Variants in TTBK1 observed in about 807,000 individuals in gnomAD.
TTBK1 encodes tau tubulin kinase 1.
A neutral mutation model predicts 108.5 loss-of-function variants in TTBK1; 34 were observed. The observed-to-expected ratio is 0.31, with a 90% CI of 0.24 to 0.42. The LOEUF is 0.42. TTBK1 is among the 10% of genes least tolerant of loss of function. The pLI is 1.00. For missense variants in TTBK1, 1,539 were observed against 1,826.0 expected, an observed-to-expected ratio of 0.84 and a Z score of 2.86; for synonymous variants, 809 against 795.1, an observed-to-expected ratio of 1.02 and a Z score of -0.29.
chr6:43,277,637 G>C (rs1206345006), intron 13 of TTBK1, among the ~76,000 whole-genome samples: 1 of 152,202 alleles, frequency 6.6e-6, no homozygotes, highest in Non-Finnish European at 1.5e-5. Flanking sequence ...CCACGTTCCC[G>C]GGTCATCTTA....
intron 3 of TTBK1, 67 bp downstream of exon 3, chr6:43,252,953 A>C: frequency 6.3e-7 from 1 of 1,575,824 alleles, no homozygotes; most frequent in African/African-American, 1.3e-5. Flanking sequence ...AGAGGTGATA[A>C]GATCAGAAGC....
At chr6:43,277,418 G>GC (rs767623305) in intron 13 of TTBK1, among the ~76,000 whole-genome samples, 84 of 152,152 alleles carry the variant, frequency 5.5e-4, no homozygotes, top group Non-Finnish European at 2.9e-4. Context: ...AAAGAGGAAG[G>GC]CCCCCCCATA....
At position 43,285,130 on chromosome 6, in the gene TTBK1, C is replaced by T. The variant is rs1778329789; in HGVS notation, c.3720C>T (p.Ser1240=). ...PRSPRLPAST[S]AARNASASPR... ...GCCCGCGCCTCCCCGCGTCCACATC[C>T]GCCGCGCGCAATGCCAGCGCGTCCC... The change falls in exon 15 of 15, where the codon TCC becomes TCT. Residue 1240 remains serine, a synonymous_variant. Transcript: ENST00000259750. The surrounding 1 kb of genome is among the most constrained non-coding windows in gnomAD (Gnocchi z 4.7). 3 of 1,455,016 alleles carry T rather than the reference C, an allele frequency of 2.1e-6. No individual in the cohort carries two copies. The highest frequency in any genetic ancestry group is 2.7e-6 in the Non-Finnish European group (3 of 1,110,964). 90.1% of individuals were successfully genotyped at this position (1,455,016 alleles called of 1,614,324 possible). A position where few individuals can be genotyped will look rare whatever the true frequency, so the allele number is the denominator to read the frequency against.
chr6:43,249,232 C>T (rs560095411), intron 2 of TTBK1, among the ~76,000 whole-genome samples: 1 of 152,026 alleles, frequency 6.6e-6, no homozygotes, highest in Non-Finnish European at 1.5e-5. Flanking sequence ...AGAAACTCAC[C>T]CCAGGTCACC....
In TTBK1 at chr6:43,283,731, C is replaced by T. The variant is rs200056742; in HGVS notation, c.2991C>T (p.Ala997=). ...GLNGAEIEGS[A]LSGAPRETPS... ...ATGGGGCTGAGATAGAGGGCTCTGC[C>T]CTGTCTGGGGCCCCCCGGGAAACCC... Residue 997 remains alanine, a synonymous_variant, in exon 14 of 15, where the codon GCC becomes GCT. Transcript: ENST00000259750. The surrounding 1 kb of genome is among the most constrained non-coding windows in gnomAD (Gnocchi z 8.1). 3 of 1,613,792 alleles carry T rather than the reference C, an allele frequency of 1.9e-6. No individual in the cohort carries two copies. The highest frequency in any genetic ancestry group is 1.7e-5 in the Admixed American group (1 of 60,026).
At position 43,284,130 on chromosome 6, in the gene TTBK1, G is replaced by A; in HGVS notation, c.3390G>A (p.Glu1130=). The A allele has an allele frequency of 6.5e-7, 1 of 1,541,132 alleles. No individual in the cohort carries two copies. Among genetic ancestry groups the A allele is most frequent in the South Asian group, 1.2e-5 (1 of 84,808 alleles). ...AGACCCTCTCAGGCACGGGCTCTGAGGAGGACACGCCCGCCTCTGAGCCGG... is the reference window on the plus strand; with the variant it reads ...AGACCCTCTCAGGCACGGGCTCTGAAGAGGACACGCCCGCCTCTGAGCCGG... The part of the protein sequence containing the change: ...ASETLSGTGS[E]EDTPASEPAA... Residue 1130 remains glutamate (E), a synonymous_variant, in exon 14 of 15, where the codon GAG becomes GAA. Transcript: ENST00000259750.
chr6:43,271,865 T>TGC, intron 13 of TTBK1: 1 of 976,244 alleles, frequency 1.0e-6, no homozygotes, highest in Non-Finnish European at 1.2e-6. Flanking sequence ...CTAATACTTG[T>TGC]GCCCCACCCC....
At chr6:43,244,573 G>A (rs773616139) in intron 1 of TTBK1, among the ~76,000 whole-genome samples, 4 of 152,218 alleles carry the variant, frequency 2.6e-5, no homozygotes, top group Non-Finnish European at 4.4e-5. Context: ...AGTCTCAGCT[G>A]AGCATAGTCC....
Position 43,276,278 on chromosome 6 carries a change from A to C in TTBK1, c.1987-6449A>C, listed in dbSNP as rs995724189. Among the ~76,000 whole-genome samples the C allele has an allele frequency of 2.0e-5, 3 of 152,084 alleles. No homozygotes were observed. Among genetic ancestry groups the C allele is most frequent in the African/African-American group, 7.2e-5 (3 of 41,394 alleles). ...AACTCAAAACCACACACACGCTCAC[A>C]CGCACACACACGCACACGAAGATGG... On this transcript the variant is annotated intron_variant, in intron 13 of 14. Coordinates refer to ENST00000259750, the MANE Select transcript of TTBK1 (RefSeq NM_032538.3). This position sits in a 1 kb window ranked among gnomAD's most constrained non-coding sequence, Gnocchi z 5.4.
chr6:43,248,692 C>A (rs758618528), intron 2 of TTBK1, among the ~76,000 whole-genome samples: 7 of 152,122 alleles, frequency 4.6e-5, no homozygotes, highest in Admixed American at 1.3e-4. Context: ...CATTGCACCC[C>A]AGCCTGGGCG....
At position 43,259,029 on chromosome 6, in the gene TTBK1, C is replaced by T. The variant is rs747144466; in HGVS notation, c.1017-9C>T. 1 of 1,605,856 alleles carries T rather than the reference C, an allele frequency of 6.2e-7. No individual in the cohort carries two copies. The highest frequency in any genetic ancestry group is 1.1e-5 in the South Asian group (1 of 89,904). ...AGCCTTGCCCATGGCTCCCTCCTGCCCTCTCCAGGGTGGTCAATGTGACGC... is the reference window on the plus strand; with the variant it reads ...AGCCTTGCCCATGGCTCCCTCCTGCTCTCTCCAGGGTGGTCAATGTGACGC... On this transcript the variant is annotated splice_polypyrimidine_tract_variant and intron_variant, in intron 10 of 14. Transcript: ENST00000259750. The surrounding 1 kb of genome is among the most constrained non-coding windows in gnomAD (Gnocchi z 6.7).
At chr6:43,270,560 T>C in intron 13 of TTBK1, 1 of 985,588 alleles carries the variant, frequency 1.0e-6, no homozygotes, top group Non-Finnish European at 1.2e-6. Flanking sequence ...CTAGCGAGAC[T>C]TTCTCAGGCC....
At chr6:43,266,768 C>G (rs899545249) in intron 13 of TTBK1, among the ~76,000 whole-genome samples, 1 of 152,086 alleles carries the variant, frequency 6.6e-6, no homozygotes, top group Non-Finnish European at 1.5e-5. Flanking sequence ...AGGCATGCAC[C>G]ACCACCACAC....
Position 43,285,091 on chromosome 6 carries a change from C to A in TTBK1, c.3681C>A (p.Pro1227=). 1 of 1,483,942 alleles carries A rather than the reference C, an allele frequency of 6.7e-7. No homozygotes were observed. Among genetic ancestry groups the A allele is most frequent in the Non-Finnish European group, 8.9e-7 (1 of 1,125,296 alleles). 91.9% of individuals were successfully genotyped at this position (1,483,942 alleles called of 1,614,324 possible). The change falls in exon 15 of 15, where the codon CCC becomes CCA. Residue 1227 remains proline (P), a synonymous_variant. Coordinates refer to ENST00000259750, the MANE Select transcript of TTBK1 (RefSeq NM_032538.3). This position sits in a 1 kb window ranked among gnomAD's most constrained non-coding sequence, Gnocchi z 4.7. ...GGCGAGCCCAAGCCGGAGCCAGGCC[C>A]CCAGCGCCGCGCAGCCCGCGCCTCC... ...GPGRAQAGAR[P]PAPRSPRLPA...
Position 43,283,378 on chromosome 6 carries a change from G to A in TTBK1, c.2638G>A (p.Asp880Asn). 6.2e-7 allele frequency: 1 copy of A among 1,606,162 alleles called. No homozygotes were observed. Among genetic ancestry groups the A allele is most frequent in the Non-Finnish European group, 8.5e-7 (1 of 1,176,284 alleles). ...GCCCCAGCCCACGGGCAGCCAGCTGGACGTATCTGAGCCAGGCACCCTGTC... is the reference window on the plus strand; with the variant it reads ...GCCCCAGCCCACGGGCAGCCAGCTGAACGTATCTGAGCCAGGCACCCTGTC... ...ERPQPTGSQL[D>N]VSEPGTLSSV... Residue 880 changes from aspartate to asparagine, a missense_variant, in exon 14 of 15, where the codon GAC (aspartate) becomes AAC (asparagine). Coordinates refer to ENST00000259750, the MANE Select transcript of TTBK1 (RefSeq NM_032538.3). The surrounding 1 kb of genome is among the most constrained non-coding windows in gnomAD (Gnocchi z 8.1).
chr6:43,285,417 G>GC lies in TTBK1; in HGVS notation c.*47dup. ...TCCGCGGTCCCCCACCCTCACCCCG[G>GC]CCCCCCACCCGCAGCCGGCCACACT... On this transcript the variant is annotated 3_prime_UTR_variant, in exon 15 of 15. Coordinates refer to ENST00000259750, the MANE Select transcript of TTBK1 (RefSeq NM_032538.3). This position sits in a 1 kb window ranked among gnomAD's most constrained non-coding sequence, Gnocchi z 4.7. 1.6e-6 allele frequency: 2 copies of GC among 1,247,600 alleles called. No individual in the cohort carries two copies. The highest frequency in any genetic ancestry group is 1.0e-6 in the Non-Finnish European group (1 of 997,930). The allele number at this position is 1,247,600 out of a possible 1,614,324, so 77.3% of individuals were successfully genotyped here. A position where few individuals can be genotyped will look rare whatever the true frequency, so the allele number is the denominator to read the frequency against.
chr6:43,250,224 G>GC (rs1466269278), intron 2 of TTBK1, among the ~76,000 whole-genome samples: 1 of 152,128 alleles, frequency 6.6e-6, no homozygotes, highest in Non-Finnish European at 1.5e-5. Context: ...TGATTTCGGA[G>GC]CCTGGCAGAT....
Position 43,282,201 on chromosome 6 carries a change from A to T in TTBK1, c.1987-526A>T, listed in dbSNP as rs1778182683. ...CAGCCAGCTCTCTGGCCACAGAGAA[A>T]CTGCACACCCTGAGGTGGTACTGAG... On this transcript the variant is annotated intron_variant, in intron 13 of 14. Coordinates refer to ENST00000259750, the MANE Select transcript of TTBK1 (RefSeq NM_032538.3). This position sits in a 1 kb window ranked among gnomAD's most constrained non-coding sequence, Gnocchi z 5.4. Among the ~76,000 whole-genome samples, 1 of 152,106 alleles carries T rather than the reference A, an allele frequency of 6.6e-6. No individual in the cohort carries two copies.
At position 43,253,164 on chromosome 6, in the gene TTBK1, C is replaced by G. The variant is rs1777290585; in HGVS notation, c.257-127C>G. ...GATGAGGCTAGGGCCAGGGAGGTGG[C>G]AAGACAGGTGCTCACAGGGCCAGCA... On this transcript the variant is annotated intron_variant, in intron 3 of 14. Coordinates refer to ENST00000259750, the MANE Select transcript of TTBK1 (RefSeq NM_032538.3). This position sits in a 1 kb window ranked among gnomAD's most constrained non-coding sequence, Gnocchi z 5.8. 7 of 1,094,798 alleles carry G rather than the reference C, an allele frequency of 6.4e-6. No individual in the cohort carries two copies. The highest frequency in any genetic ancestry group is 8.3e-6 in the Non-Finnish European group (6 of 720,310). The allele number at this position is 1,094,798 out of a possible 1,614,324, so 67.8% of individuals were successfully genotyped here. A position where few individuals can be genotyped will look rare whatever the true frequency, so the allele number is the denominator to read the frequency against.
Sources: gnomAD v4.1 joint callset for allele counts (sites outside exome capture counted in the v4.1 genomes callset) on GRCh38, gnomAD v4.1.1 for gene constraint, Gnocchi (gnomAD v3.1) non-coding constraint, MANE v1.5 for transcripts, NCBI Gene and HGNC (gene_info 2026-07-23, HGNC 2026-07-21) for gene names.